Variants in SATB1 observed in about 807,000 individuals in gnomAD.
SATB1 encodes the protein DNA-binding protein SATB1.
A neutral mutation model predicts 86.9 loss-of-function variants in SATB1; 11 were observed. That is an observed-to-expected ratio of 0.13 (90% CI 0.08 to 0.21). The LOEUF (loss-of-function observed/expected upper bound fraction) is 0.21. Among genes scored for constraint, SATB1 ranks in the 10% least tolerant of loss-of-function variants. The probability of loss-of-function intolerance (pLI) is 1.00; values close to 1 mark genes in which losing one functional copy is unlikely to be tolerated. For missense variants in SATB1, 551 were observed against 937.6 expected (o/e 0.59, Z 5.39); for synonymous variants, 357 against 357.2 (o/e 1.00, Z 0.01).
chr3:18,371,039 T>A (rs542963569), intron 9 of SATB1, among the ~76,000 whole-genome samples: 2 of 152,192 alleles, frequency 1.3e-5, no homozygotes, highest in African/African-American at 4.8e-5. Flanking sequence ...CCTTATTATA[T>A]GACAGCATGC....
At chr3:18,437,910 A>G (rs1699118756) in intron 1 of SATB1, among the ~76,000 whole-genome samples, 1 of 152,136 alleles carries the variant, frequency 6.6e-6, no homozygotes, top group African/African-American at 2.4e-5. Context: ...TTCTGGGGGA[A>G]AGAAAGGCTT....
intron 3 of SATB1, among the ~76,000 whole-genome samples, chr3:18,416,545 G>A (rs1008622882): frequency 7.2e-5 from 11 of 151,970 alleles, no homozygotes; most frequent in African/African-American, 2.7e-4. Flanking sequence ...CAGAATAAAA[G>A]AAACAGAACT....
intron 2 of SATB1, among the ~76,000 whole-genome samples, chr3:18,430,965 G>A (rs1188884738): frequency 1.3e-5 from 2 of 152,282 alleles, no homozygotes; most frequent in Non-Finnish European, 2.9e-5. Context: ...TCTGGAAACC[G>A]ACAGGATATC....
chr3:18,384,588 C>T (rs1208830404), intron 8 of SATB1, among the ~76,000 whole-genome samples: 1 of 151,980 alleles, frequency 6.6e-6, no homozygotes, highest in South Asian at 2.1e-4. Context: ...TCAGTGGTGA[C>T]TTCAGGAGCA....
chr3:18,366,382 C>T (rs1396578918), intron 9 of SATB1, among the ~76,000 whole-genome samples: 3 of 151,990 alleles, frequency 2.0e-5, no homozygotes, highest in African/African-American at 7.3e-5. Context: ...CTCACATTGC[C>T]CTGCTTTCCC....
chr3:18,418,053 C>A (rs139781062), intron 2 of SATB1, among the ~76,000 whole-genome samples: 1 of 152,074 alleles, frequency 6.6e-6, no homozygotes, highest in Non-Finnish European at 1.5e-5. Context: ...CCAATGATAA[C>A]GGAAAAGGGT....
rs138194984 is a variant in SATB1, at chr3:18,359,116, A to T, written c.1576-6921T>A. On this transcript the variant is annotated intron_variant, in intron 9 of 10. Coordinates refer to ENST00000338745, the MANE Select transcript of SATB1 (RefSeq NM_002971.6). The stretch of plus-strand genomic sequence containing the variant: ...CATTTTTCAATTTTATTTACAATTT[A>T]ATCAGATAAAAAGGTGCAAATCATT... Among the ~76,000 whole-genome samples the T allele has an allele frequency of 9.1e-4, 139 of 152,124 alleles. 2 individuals carry two copies. In the East Asian group the frequency reaches 0.024, roughly 26 times the overall value.
intron 2 of SATB1, among the ~76,000 whole-genome samples, chr3:18,418,494 T>C (rs1698229564): frequency 6.6e-6 from 1 of 152,160 alleles, no homozygotes; most frequent in Non-Finnish European, 1.5e-5. Flanking sequence ...AGGCTAGGCA[T>C]GAAAAACAAG....
At chr3:18,364,127 A>C (rs1045179553) in intron 9 of SATB1, among the ~76,000 whole-genome samples, 1 of 152,154 alleles carries the variant, frequency 6.6e-6, no homozygotes, top group African/African-American at 2.4e-5. Context: ...GATAAAATAC[A>C]TATATATTTT....
At chr3:18,410,516 G>A (rs1427326960) in intron 5 of SATB1, among the ~76,000 whole-genome samples, 1 of 151,934 alleles carries the variant, frequency 6.6e-6, no homozygotes, top group Non-Finnish European at 1.5e-5. Context: ...TACTTAGGGG[G>A]ACCAAAGGCG....
chr3:18,358,760 A>C (rs947448591), intron 9 of SATB1, among the ~76,000 whole-genome samples: 1 of 152,012 alleles, frequency 6.6e-6, no homozygotes. Context: ...AATAATAATA[A>C]TCTTCTTTTT....
At position 18,362,881 on chromosome 3, in the gene SATB1, A is replaced by AAAAAAAAAAAC. The variant is rs373536891; in HGVS notation, c.1576-10687_1576-10686insGTTTTTTTTTT. On this transcript the variant is annotated intron_variant, in intron 9 of 10. Transcript: ENST00000338745. ...TGTGCAAAAAAAAAAAAAAAAAAAA[A>AAAAAAAAAAAC]CCAAAACCCCAAATAAATATAAGAA... Among the ~76,000 whole-genome samples, 62 of 108,170 alleles carry AAAAAAAAAAAC rather than the reference A, an allele frequency of 5.7e-4. 2 individuals are homozygous for AAAAAAAAAAAC. The highest frequency in any genetic ancestry group is 1.5e-3 in the East Asian group (5 of 3,360). The allele number at this position is 108,170 out of a possible 152,430, so 71.0% of individuals were successfully genotyped here. A position where few individuals can be genotyped will look rare whatever the true frequency, so the allele number is the denominator to read the frequency against.
chr3:18,428,391 C>CA (rs757608887), upstream of SATB1, among the ~76,000 whole-genome samples: 2 of 152,184 alleles, frequency 1.3e-5, no homozygotes, highest in Admixed American at 6.5e-5. Flanking sequence ...ATGATCCAAA[C>CA]ACCTCTTAAA....
At chr3:18,428,198 G>T (rs1201217274), upstream of SATB1, among the ~76,000 whole-genome samples, 1 of 152,174 alleles carries the variant, frequency 6.6e-6, no homozygotes, top group Non-Finnish European at 1.5e-5. Context: ...TCTTCCTAGT[G>T]GGAGTTCTCT....
rs1484087098 is a variant in SATB1, at chr3:18,394,982, C to A, written c.752-66G>T. 7.8e-7 allele frequency: 1 copy of A among 1,285,594 alleles called. No individual in the cohort carries two copies. The highest frequency in any genetic ancestry group is 1.1e-6 in the Non-Finnish European group (1 of 951,574). The allele number at this position is 1,285,594 out of a possible 1,614,324, so 79.6% of individuals were successfully genotyped here. A position where few individuals can be genotyped will look rare whatever the true frequency, so the allele number is the denominator to read the frequency against. On this transcript the variant is annotated intron_variant, in intron 6 of 10. Transcript: ENST00000338745. This position sits in a 1 kb window ranked among gnomAD's most constrained non-coding sequence, Gnocchi z 5.9. ...GATTGGCATTGATAAAGATTTCTAA[C>A]CATTTCCTAAATTAAAAAAGGGTAG...
intron 9 of SATB1, among the ~76,000 whole-genome samples, chr3:18,369,322 C>CAA (rs144298836): frequency 6.7e-6 from 1 of 149,706 alleles, no homozygotes; most frequent in Non-Finnish European, 1.5e-5. Flanking sequence ...CCCCCCTCCA[C>CAA]AAAAAAAAAC....
At chr3:18,393,317 C>T (rs562489284) in intron 7 of SATB1, among the ~76,000 whole-genome samples, 61 of 148,798 alleles carry the variant, frequency 4.1e-4, no homozygotes, top group South Asian at 6.6e-4. Context: ...CGCGGTTTTT[C>T]GTTTTTGTTT....
intron 9 of SATB1, among the ~76,000 whole-genome samples, chr3:18,353,748 A>G (rs1694492059): frequency 6.6e-6 from 1 of 152,184 alleles, no homozygotes; most frequent in Non-Finnish European, 1.5e-5. Context: ...TTTAAAAGAA[A>G]AGGTAGAAAA....
At chr3:18,431,520 T>C (rs1698890074) in intron 2 of SATB1, among the ~76,000 whole-genome samples, 1 of 152,218 alleles carries the variant, frequency 6.6e-6, no homozygotes, top group South Asian at 2.1e-4. Context: ...ATGTCCAGGC[T>C]GAACCCCACT....
Sources: gnomAD v4.1 joint callset for allele counts (sites outside exome capture counted in the v4.1 genomes callset) on GRCh38, gnomAD v4.1.1 for gene constraint, Gnocchi (gnomAD v3.1) non-coding constraint, MANE v1.5 for transcripts, NCBI Gene and HGNC (gene_info 2026-07-23, HGNC 2026-07-21) for gene names.